MTSS2: variants seen among roughly 807,000 people sequenced by gnomAD.
MTSS2 encodes the protein protein MTSS 2.
Under a neutral mutation model 67.1 loss-of-function variants are expected in MTSS2, and 27 were observed. The ratio of observed to expected loss-of-function variants is 0.40; its 90% CI spans 0.30 to 0.55. The LOEUF is 0.55. Among genes scored for constraint, MTSS2 ranks in the 20% least tolerant of loss-of-function variants. The probability of loss-of-function intolerance (pLI) is 0.43; values close to 1 mark genes in which losing one functional copy is unlikely to be tolerated. For missense variants in MTSS2, 1,171 were observed against 1,067.8 expected, an observed-to-expected ratio of 1.10 and a Z score of -1.35; for synonymous variants, 624 against 468.6, an observed-to-expected ratio of 1.33 and a Z score of -4.28.
intron 7 of MTSS2, 75 bp from the exon 8 acceptor site, chr16:70,678,484 C>G: frequency 6.6e-7 from 1 of 1,516,364 alleles, no homozygotes. Flanking sequence ...GGCTCAGACC[C>G]TGGTGGTGGC....
At chr16:70,671,109 G>C (rs1244223216) in intron 11 of MTSS2, among the ~76,000 whole-genome samples, 1 of 151,876 alleles carries the variant, frequency 6.6e-6, no homozygotes, top group African/African-American at 2.4e-5. Flanking sequence ...GGTGTGTTTA[G>C]AATACCTCAA....
At chr16:70,683,140 G>A (rs1344464489) in intron 1 of MTSS2, among the ~76,000 whole-genome samples, 1 of 152,218 alleles carries the variant, frequency 6.6e-6, no homozygotes, top group East Asian at 1.9e-4. Context: ...AGGGGACTCT[G>A]TCTCTGTCCC....
Position 70,663,374 on chromosome 16 carries a change from G to C in MTSS2, c.*303C>G. 1 of 421,354 alleles carries C rather than the reference G, an allele frequency of 2.4e-6. No homozygotes were observed. Among genetic ancestry groups the C allele is most frequent in the Non-Finnish European group, 4.2e-6 (1 of 239,378 alleles). The allele number at this position is 421,354 out of a possible 1,614,324, so 26.1% of individuals were successfully genotyped here. On this transcript the variant is annotated 3_prime_UTR_variant, in exon 15 of 15. Coordinates refer to ENST00000338779, the MANE Select transcript of MTSS2 (RefSeq NM_138383.3). ...CCCTCTGTCATGGGCAGCGGCCCTG[G>C]CTCTGGTGCTTATGGGTAGGGAAGA...
At position 70,663,765 on chromosome 16, in the gene MTSS2, G is replaced by T. The variant is rs749003640; in HGVS notation, c.2156C>A (p.Pro719Gln). 2.7e-5 allele frequency: 42 copies of T among 1,535,068 alleles called. 1 individual carries two copies. In the South Asian group the frequency reaches 4.7e-4, roughly 17 times the overall value. ...GATGGCCACCAGCATGTCTTCGGCCGGGGGGTCGCTGGTGGCGGCTGGGGG... is the reference window on the plus strand; with the variant it reads ...GATGGCCACCAGCATGTCTTCGGCCTGGGGGTCGCTGGTGGCGGCTGGGGG... ...TPPPAATSDP[P>Q]AEDMLVAIRR... Residue 719 changes from proline to glutamine, a missense_variant, in exon 15 of 15, where the codon CCG (proline) becomes CAG (glutamine). Pro to Gln is a moderately conservative substitution (Grantham distance 76). Around this residue, in one of 2 missense-constraint regions of MTSS2, gnomAD observed 924 missense variants for 756.0 expected, o/e 1.22. Transcript: ENST00000338779.
At chr16:70,670,053 C>T (rs2052874435) in intron 11 of MTSS2, among the ~76,000 whole-genome samples, 1 of 151,814 alleles carries the variant, frequency 6.6e-6, no homozygotes, top group South Asian at 2.1e-4. Flanking sequence ...GGTGGACTGC[C>T]TGAGGTCAGG....
chr16:70,669,094 T>C (rs879589692), intron 11 of MTSS2, among the ~76,000 whole-genome samples: 1 of 152,168 alleles, frequency 6.6e-6, no homozygotes, highest in Non-Finnish European at 1.5e-5. Context: ...AAAACATCTT[T>C]GTGACCTTGC....
At chr16:70,673,340 A>C (rs935066355) in intron 11 of MTSS2, among the ~76,000 whole-genome samples, 5 of 152,230 alleles carry the variant, frequency 3.3e-5, no homozygotes, top group African/African-American at 1.2e-4. Flanking sequence ...ATTCCTCAGA[A>C]AGAAGCATCA....
At chr16:70,671,353 G>A (rs1055541189) in intron 11 of MTSS2, among the ~76,000 whole-genome samples, 7 of 150,186 alleles carry the variant, frequency 4.7e-5, no homozygotes, top group South Asian at 4.2e-4. Context: ...CAGTAGCCAA[G>A]ATCGCACCAT....
rs1260883841 is a variant in MTSS2, at chr16:70,680,881, C to T, written c.132-14G>A. 2.1e-6 allele frequency: 3 copies of T among 1,427,654 alleles called. No homozygotes were observed. Among genetic ancestry groups the T allele is most frequent in the South Asian group, 2.4e-5 (2 of 83,216 alleles). The allele number at this position is 1,427,654 out of a possible 1,614,324, so 88.4% of individuals were successfully genotyped here. A position where few individuals can be genotyped will look rare whatever the true frequency, so the allele number is the denominator to read the frequency against. ...AGCACGGTGGTCCTGGGGAGAGGGA[C>T]AACGGCATGGATGGTCGGTGGTTGG... On this transcript the variant is annotated splice_polypyrimidine_tract_variant and intron_variant, in intron 2 of 14. Coordinates refer to ENST00000338779, the MANE Select transcript of MTSS2 (RefSeq NM_138383.3).
rs766086683 is a variant in MTSS2 at position 70,665,034 on chromosome 16, G to A, written c.1191C>T (p.Asp397=). Residue 397 remains aspartate (D), a synonymous_variant, in exon 13 of 15, where the codon GAC becomes GAT. Transcript: ENST00000338779. The part of the protein sequence containing the change: ...PSGATLQRRK[D]RVELLRDTEP... ...CTGTGTCTCGCAGGAGCTCCACTCG[G>A]TCCTTCCTCCGCTGCAGAGTGGCGC... 1.1e-5 allele frequency: 17 copies of A among 1,597,256 alleles called. No homozygotes were observed. The East Asian group carries it at 3.6e-4, about 34-fold the overall frequency.
chr16:70,680,023 G>A lies in MTSS2; in HGVS notation c.238C>T (p.Arg80Cys). ...ATRDIGSALT[R>C]MCMRHRSIET... is the part of the protein sequence containing the mutation. The stretch of plus-strand genomic sequence containing the variant: ...ATGCTGCGGTGGCGCATGCACATGC[G>A]TGTGAGCGCCGAGCCGATGTCCCTC... Residue 80 changes from arginine (R) to cysteine (C), a missense_variant, in exon 4 of 15, where the codon CGC (arginine) becomes TGC (cysteine). By Grantham distance (180) the Arg-to-Cys change is radical. This residue lies in a region of MTSS2 where 247 missense variants were observed against 311.8 expected (regional missense o/e 0.79). Coordinates refer to ENST00000338779, the MANE Select transcript of MTSS2 (RefSeq NM_138383.3). 1.3e-6 allele frequency: 2 copies of A among 1,537,590 alleles called. No homozygotes were observed. The highest frequency in any genetic ancestry group is 1.7e-6 in the Non-Finnish European group (2 of 1,150,726).
chr16:70,673,625 A>G (rs559894897), intron 11 of MTSS2, among the ~76,000 whole-genome samples: 30 of 152,356 alleles, frequency 2.0e-4, no homozygotes, highest in Admixed American at 1.6e-3. Flanking sequence ...GCAAGAAAAA[A>G]ATGACAAGAA....
chr16:70,664,000 G>T lies in MTSS2; in HGVS notation c.1921C>A (p.Pro641Thr). Residue 641 changes from proline (P) to threonine (T), a missense_variant, in exon 15 of 15, where the codon CCC becomes ACC. Transcript: ENST00000338779. ...GATGGGCTGCCCCAGGCTGTGTTGG[G>T]CAGGCTGAGCCTCTTTGGGGAGGCC... The part of the protein sequence containing the change: ...AKASPKRLSL[P>T]NTAWGSPSPE... The T allele has an allele frequency of 6.3e-7, 1 of 1,596,786 alleles. No homozygotes were observed. Among genetic ancestry groups the T allele is most frequent in the Non-Finnish European group, 8.5e-7 (1 of 1,172,876 alleles).
chr16:70,663,201 G>C lies in MTSS2; in HGVS notation c.*476C>G, dbSNP rs1291032354. 1 of 161,708 alleles carries C rather than the reference G, an allele frequency of 6.2e-6. No individual in the cohort carries two copies. Among genetic ancestry groups the C allele is most frequent in the Non-Finnish European group, 1.3e-5 (1 of 74,120 alleles). The allele number at this position is 161,708 out of a possible 1,614,324, so 10.0% of individuals were successfully genotyped here. A position where few individuals can be genotyped will look rare whatever the true frequency, so the allele number is the denominator to read the frequency against. On this transcript the variant is annotated 3_prime_UTR_variant, in exon 15 of 15. Coordinates refer to ENST00000338779, the MANE Select transcript of MTSS2 (RefSeq NM_138383.3). ...CCCTCCACAGCCGCCCCGCCTCCTG[G>C]AGGGAGAGGGGCCTGGGAGAGGCAG...
At chr16:70,667,519 T>C (rs894987720) in intron 11 of MTSS2, among the ~76,000 whole-genome samples, 8 of 151,962 alleles carry the variant, frequency 5.3e-5, no homozygotes, top group African/African-American at 1.9e-4. Flanking sequence ...ATAACATCAA[T>C]AAACACTAAA....
chr16:70,667,255 C>G (rs976772290), intron 11 of MTSS2, among the ~76,000 whole-genome samples: 3 of 116,334 alleles, frequency 2.6e-5, no homozygotes, highest in African/African-American at 1.0e-4. Context: ...CTCCAGTGTG[C>G]GTGACAGAGC....
rs2052523457 is a variant in MTSS2, at chr16:70,662,509, C to T, written c.*1168G>A. 3.9e-5 allele frequency: 6 copies of T among 152,436 alleles called. No individual in the cohort carries two copies. Among genetic ancestry groups the T allele is most frequent in the Admixed American group, 3.9e-4 (6 of 15,288 alleles). 9.4% of individuals were successfully genotyped at this position (152,436 alleles called of 1,614,324 possible). Reference sequence around the variant, plus strand: ...CAATCTTCCCAGACTCGCTCCCCCACCTGGGCTTGCAGCCAGCTCAGACCA... The same window carrying T: ...CAATCTTCCCAGACTCGCTCCCCCATCTGGGCTTGCAGCCAGCTCAGACCA... On this transcript the variant is annotated 3_prime_UTR_variant, in exon 15 of 15. Transcript: ENST00000338779.
In MTSS2 at chr16:70,664,003, G is replaced by A; in HGVS notation, c.1918C>T (p.Leu640=). 6.3e-7 allele frequency: 1 copy of A among 1,599,164 alleles called. No homozygotes were observed. Among genetic ancestry groups the A allele is most frequent in the Non-Finnish European group, 8.5e-7 (1 of 1,173,966 alleles). The change falls in exon 15 of 15, where the codon CTG becomes TTG. Residue 640 remains leucine (L), a synonymous_variant. Transcript: ENST00000338779. ...GGGCTGCCCCAGGCTGTGTTGGGCA[G>A]GCTGAGCCTCTTTGGGGAGGCCTTG... The part of the protein sequence containing the change: ...LAKASPKRLS[L]PNTAWGSPSP...
chr16:70,678,786 G>A (rs1456707499), intron 7 of MTSS2, among the ~76,000 whole-genome samples: 2 of 152,220 alleles, frequency 1.3e-5, no homozygotes, highest in Non-Finnish European at 1.5e-5. Flanking sequence ...AGGTGGGGCA[G>A]AAGCGGGACA....
Sources: gnomAD v4.1 joint callset for allele counts (sites outside exome capture counted in the v4.1 genomes callset) on GRCh38, gnomAD v4.1.1 for gene constraint, gnomAD v4.1.1 regional missense constraint, MANE v1.5 for transcripts, NCBI Gene and HGNC (gene_info 2026-07-23, HGNC 2026-07-21) for gene names.